Variants in IL15 observed in about 807,000 individuals in gnomAD.
The protein encoded by IL15 is interleukin 15, also known as interleukin-15.
A neutral mutation model predicts 19.6 loss-of-function variants in IL15; 11 were observed. The observed-to-expected ratio is 0.56, with a 90% CI of 0.35 to 0.93. The LOEUF is 0.93. Ranked by LOEUF, IL15 falls within the 40% of genes least tolerant of loss-of-function variation. The pLI, the probability that IL15 is intolerant of heterozygous loss-of-function variation, is 0.01. For synonymous variants in IL15, 58 were observed against 59.6 expected (o/e 0.97, Z 0.12); for missense variants, 197 against 186.5 (o/e 1.06, Z -0.33).
At chr4:141,689,576 T>A (rs1728838071) in intron 2 of IL15, among the ~76,000 whole-genome samples, 1 of 151,912 alleles carries the variant, frequency 6.6e-6, no homozygotes, top group Non-Finnish European at 1.5e-5. Flanking sequence ...GTATTTACAA[T>A]CCCTGAGCTA....
intron 2 of IL15, among the ~76,000 whole-genome samples, chr4:141,665,252 T>G (rs1303630027): frequency 6.6e-6 from 1 of 152,154 alleles, no homozygotes; most frequent in Non-Finnish European, 1.5e-5. Context: ...ATTTTATTTT[T>G]GAAATGACAC....
At chr4:141,690,701 G>A (rs1728880679) in intron 2 of IL15, among the ~76,000 whole-genome samples, 1 of 152,036 alleles carries the variant, frequency 6.6e-6, no homozygotes, top group Non-Finnish European at 1.5e-5. Context: ...ATACAAATTC[G>A]ATCATGCCAT....
intron 2 of IL15, among the ~76,000 whole-genome samples, chr4:141,697,411 A>G (rs2152180123): frequency 6.6e-6 from 1 of 152,138 alleles, no homozygotes; most frequent in Middle Eastern, 3.4e-3. Context: ...TGGTAACTAT[A>G]TCCTCGAAGT....
rs1578978151 is a variant in IL15, at chr4:141,637,723, A to G, written c.-222+975A>G. Among the ~76,000 whole-genome samples, 5 of 152,326 alleles carry G rather than the reference A, an allele frequency of 3.3e-5. No individual in the cohort carries two copies. The South Asian group carries it at 1.0e-3, about 32-fold the overall frequency. On this transcript the variant is annotated intron_variant, in intron 1 of 7. Coordinates refer to ENST00000320650, the MANE Select transcript of IL15 (RefSeq NM_000585.5). ...GATTCTTAAATAGGATGAGTCAGCA[A>G]TTTCAAAACTGGAAGTAAAGTGGTG...
At chr4:141,650,898 C>A (rs561359227) in intron 1 of IL15, among the ~76,000 whole-genome samples, 1 of 152,056 alleles carries the variant, frequency 6.6e-6, no homozygotes, top group Non-Finnish European at 1.5e-5. Flanking sequence ...AAGGCAGAAT[C>A]AAGCCTAGGG....
chr4:141,644,530 C>T (rs1727156884), intron 1 of IL15, among the ~76,000 whole-genome samples: 1 of 152,112 alleles, frequency 6.6e-6, no homozygotes, highest in Non-Finnish European at 1.5e-5. Context: ...CTAACTTGGA[C>T]TTTACATAAT....
At chr4:141,666,846 G>C (rs1452542741) in intron 2 of IL15, among the ~76,000 whole-genome samples, 1 of 152,198 alleles carries the variant, frequency 6.6e-6, no homozygotes, top group Non-Finnish European at 1.5e-5. Flanking sequence ...TGCACAGAGA[G>C]GCCAAGAAAA....
At chr4:141,709,057 TC>T (rs2152185200) in intron 2 of IL15, among the ~76,000 whole-genome samples, 1 of 146,702 alleles carries the variant, frequency 6.8e-6, no homozygotes, top group Non-Finnish European at 1.5e-5. Flanking sequence ...TTGAAAATTT[TC>T]AATATTATTC....
Position 141,729,834 on chromosome 4 carries a change from C to G in IL15, c.241-13C>G, listed in dbSNP as rs754599922. 79 of 1,458,934 alleles carry G rather than the reference C, an allele frequency of 5.4e-5. No homozygotes were observed. The highest frequency in any genetic ancestry group is 7.3e-5 in the Non-Finnish European group (76 of 1,047,872). 90.4% of individuals were successfully genotyped at this position (1,458,934 alleles called of 1,614,324 possible). On this transcript the variant is annotated splice_polypyrimidine_tract_variant and intron_variant, in intron 6 of 7. Transcript: ENST00000320650. ...AGAAAAAAGTAATTGTTCTTTATAA[C>G]TTTTATTTTTAGCCCAGTTGCAAAG...
intron 2 of IL15, among the ~76,000 whole-genome samples, chr4:141,701,139 A>C (rs1042221998): frequency 6.6e-6 from 1 of 152,010 alleles, no homozygotes. Context: ...CTTGGTTTGG[A>C]TCCATTGCTG....
At chr4:141,698,338 G>T (rs187041551) in intron 2 of IL15, among the ~76,000 whole-genome samples, 110 of 152,110 alleles carry the variant, frequency 7.2e-4, no homozygotes, top group African/African-American at 2.5e-3. Context: ...GTATTAGGGT[G>T]ATACTGGCGT....
chr4:141,705,052 AT>A (rs1409205139), intron 2 of IL15, among the ~76,000 whole-genome samples: 2 of 151,088 alleles, frequency 1.3e-5, no homozygotes, highest in East Asian at 1.9e-4. Flanking sequence ...ATATGAATTC[AT>A]TTTTTTGTCT....
chr4:141,722,026 C>T lies in IL15; in HGVS notation c.195+18C>T, dbSNP rs756016793. 6.4e-7 allele frequency: 1 copy of T among 1,557,974 alleles called. No individual in the cohort carries two copies. Among genetic ancestry groups the T allele is most frequent in the Non-Finnish European group, 8.8e-7 (1 of 1,140,422 alleles). On this transcript the variant is annotated intron_variant, in intron 5 of 7. Coordinates refer to ENST00000320650, the MANE Select transcript of IL15 (RefSeq NM_000585.5). ...TTATTCAAGTGAGTACTCATTTTTC[C>T]ATAAAATGCCTGGTATAACTGCTAT...
intron 2 of IL15, among the ~76,000 whole-genome samples, chr4:141,673,732 T>C (rs1272134388): frequency 6.6e-6 from 1 of 152,230 alleles, no homozygotes; most frequent in Non-Finnish European, 1.5e-5. Context: ...TCCATTTATA[T>C]CATACATATA....
chr4:141,644,113 C>T (rs1727143048), intron 1 of IL15, among the ~76,000 whole-genome samples: 1 of 151,816 alleles, frequency 6.6e-6, no homozygotes, highest in Non-Finnish European at 1.5e-5. Context: ...TCTCTTCTCA[C>T]CCTTTTTTTC....
intron 2 of IL15, among the ~76,000 whole-genome samples, chr4:141,700,668 T>G (rs1452087863): frequency 6.6e-6 from 1 of 152,206 alleles, no homozygotes; most frequent in African/African-American, 2.4e-5. Flanking sequence ...CAGGTCTAGA[T>G]CTCTAACAAG....
chr4:141,677,088 T>C (rs1285692950), intron 2 of IL15, among the ~76,000 whole-genome samples: 1 of 152,192 alleles, frequency 6.6e-6, no homozygotes, highest in East Asian at 1.9e-4. Flanking sequence ...TGCTACCACA[T>C]AGAAATATTT....
At chr4:141,718,838 G>A (rs981936919) in intron 2 of IL15, 2 of 152,076 alleles carry the variant, frequency 1.3e-5, no homozygotes, top group Admixed American at 1.3e-4. Context: ...TAATGGCATG[G>A]AGTTGAATTT....
At chr4:141,683,097 C>G (rs1018123691) in intron 2 of IL15, among the ~76,000 whole-genome samples, 3 of 151,446 alleles carry the variant, frequency 2.0e-5, no homozygotes, top group African/African-American at 7.3e-5. Context: ...GGTGAAACCC[C>G]GTTTCTACTA....
Sources: allele counts gnomAD v4.1 joint callset (sites outside exome capture counted in the v4.1 genomes callset), GRCh38; gene constraint gnomAD v4.1.1; transcripts MANE v1.5; gene names NCBI Gene and HGNC (gene_info 2026-07-23, HGNC 2026-07-21).